The following RLIM variants were observed in gnomAD, a reference collection of about 807,000 sequenced individuals.
RLIM encodes the protein ring finger protein, LIM domain interacting, also known as E3 ubiquitin-protein ligase RLIM.
In RLIM, 2 loss-of-function variants were observed where a neutral mutation model predicts 34.0. That is an observed-to-expected ratio of 0.06 (90% CI 0.02 to 0.19). The LOEUF (loss-of-function observed/expected upper bound fraction) is 0.19. Ranked by LOEUF, RLIM falls within the 10% of genes least tolerant of loss-of-function variation. The pLI is 1.00. For missense variants in RLIM, 286 were observed against 479.7 expected (o/e 0.60, Z 3.77); for synonymous variants, 169 against 164.0 (o/e 1.03, Z -0.23).
intron 2 of RLIM, among the ~76,000 whole-genome samples, chrX:74,594,959 C>T (rs772231550): frequency 2.7e-4 from 29 of 105,855 alleles, no homozygotes; most frequent in Non-Finnish European, 4.5e-4. Flanking sequence ...AGTGGTACCA[C>T]ATCTGTAGTG....
Position 74,591,473 on chromosome X carries a change from G to A in RLIM, c.1842C>T (p.Val614=), listed in dbSNP as rs747530936. ...NSTCPICRRA[V]LASGNRESVV The stretch of plus-strand genomic sequence containing the variant: ...CACTTTCTCTGTTACCAGAAGCTAA[G>A]ACTGCTCTGCGACAAATAGGACAGG... Residue 614 remains valine, a synonymous_variant, in exon 4 of 4, where the codon GTC becomes GTT. Coordinates refer to ENST00000332687, the MANE Select transcript of RLIM (RefSeq NM_016120.4). The A allele has an allele frequency of 2.5e-6, 3 of 1,210,625 alleles. No individual in the cohort carries two copies. The highest frequency in any genetic ancestry group is 3.4e-6 in the Non-Finnish European group (3 of 894,258).
chrX:74,604,843 T>G (rs1336831430), intron 1 of RLIM, among the ~76,000 whole-genome samples: 1 of 111,403 alleles, frequency 9.0e-6, no homozygotes, highest in African/African-American at 3.3e-5. Flanking sequence ...AAGCAACATG[T>G]GAACAAATCC....
chrX:74,598,919 T>C (rs1266390645), intron 1 of RLIM, among the ~76,000 whole-genome samples: 1 of 111,914 alleles, frequency 8.9e-6, no homozygotes, highest in African/African-American at 3.2e-5. Flanking sequence ...AAGTCAGCAA[T>C]AAATGGACAT....
rs895410556 is a variant in RLIM at position 74,586,401 on chromosome X, T to G, written c.*5039A>C. The G allele has an allele frequency of 7.1e-5, 8 of 112,274 alleles. No individual in the cohort carries two copies. The highest frequency in any genetic ancestry group is 1.5e-4 in the Non-Finnish European group (8 of 53,334). The allele number at this position is 112,274 out of a possible 1,213,427, so 9.3% of individuals were successfully genotyped here. A position where few individuals can be genotyped will look rare whatever the true frequency, so the allele number is the denominator to read the frequency against. On this transcript the variant is annotated 3_prime_UTR_variant, in exon 4 of 4. Coordinates refer to ENST00000332687, the MANE Select transcript of RLIM (RefSeq NM_016120.4). Reference sequence around the variant, plus strand: ...TCACTTTCACTGCATGTCTTTAAGATATCTACTACTCAGCCCAACTGACCA... The same window carrying G: ...TCACTTTCACTGCATGTCTTTAAGAGATCTACTACTCAGCCCAACTGACCA...
At chrX:74,607,184 A>C (rs1189651068) in intron 1 of RLIM, among the ~76,000 whole-genome samples, 1 of 70,500 alleles carries the variant, frequency 1.4e-5, no homozygotes, top group East Asian at 4.8e-4. Flanking sequence ...TTTTTAAAAA[A>C]AGTGGGGTGG....
In RLIM at chrX:74,586,184, C is replaced by T. The variant is rs1044156206; in HGVS notation, c.*5256G>A. ...AAAGCAGCACCAGGGACAAATGGAG[C>T]TATCAAGAGGTAAAATCCAAACACT... On this transcript the variant is annotated 3_prime_UTR_variant, in exon 4 of 4. Transcript: ENST00000332687. The T allele has an allele frequency of 4.5e-5, 5 of 112,055 alleles. No homozygotes were observed. Among genetic ancestry groups the T allele is most frequent in the Non-Finnish European group, 9.4e-5 (5 of 53,274 alleles). The allele number at this position is 112,055 out of a possible 1,213,427, so 9.2% of individuals were successfully genotyped here.
intron 1 of RLIM, among the ~76,000 whole-genome samples, chrX:74,609,487 CAAAAAAAAAAA>C (rs752008137): frequency 0.18 from 5,905 of 32,699 alleles, 219 homozygotes; most frequent in Admixed American, 0.26. Context: ...GACTCCGTTT[CAAAAAAAAAAA>C]AAAAAAAAAA....
rs746876987 is a variant in RLIM, at chrX:74,585,314, T to C, written c.*6126A>G. ...CACAGATAAAACGGAAGTTATAACA[T>C]ATAAACCAGTACCTGCCCACACTCA... is the stretch of plus-strand genomic sequence containing the variant. On this transcript the variant is annotated 3_prime_UTR_variant, in exon 4 of 4. Coordinates refer to ENST00000332687, the MANE Select transcript of RLIM (RefSeq NM_016120.4). 8.9e-6 allele frequency: 1 copy of C among 112,099 alleles called. No individual in the cohort carries two copies. The highest frequency in any genetic ancestry group is 1.9e-5 in the Non-Finnish European group (1 of 53,269). 9.2% of individuals were successfully genotyped at this position (112,099 alleles called of 1,213,427 possible). A position where few individuals can be genotyped will look rare whatever the true frequency, so the allele number is the denominator to read the frequency against.
In RLIM at chrX:74,589,306, C is replaced by T. The variant is rs1047055702; in HGVS notation, c.*2134G>A. 17 of 111,384 alleles carry T rather than the reference C, an allele frequency of 1.5e-4. No homozygotes were observed. The highest frequency in any genetic ancestry group is 5.5e-4 in the African/African-American group (17 of 30,641). The allele number at this position is 111,384 out of a possible 1,213,427, so 9.2% of individuals were successfully genotyped here. On this transcript the variant is annotated 3_prime_UTR_variant, in exon 4 of 4. Coordinates refer to ENST00000332687, the MANE Select transcript of RLIM (RefSeq NM_016120.4). ...ATTTGTTTTTAGCCAATCAAGACTACCCTGCAGATCTGAAAACTGTAGATT... is the reference window on the plus strand; with the variant it reads ...ATTTGTTTTTAGCCAATCAAGACTATCCTGCAGATCTGAAAACTGTAGATT...
At chrX:74,608,644 T>C (rs765313673) in intron 1 of RLIM, among the ~76,000 whole-genome samples, 1 of 112,232 alleles carries the variant, frequency 8.9e-6, no homozygotes, top group African/African-American at 3.2e-5. Flanking sequence ...TACATTCTTC[T>C]ATCTTTACCA....
intron 1 of RLIM, among the ~76,000 whole-genome samples, chrX:74,598,871 T>G (rs1051820233): frequency 2.7e-5 from 3 of 111,514 alleles, no homozygotes; most frequent in Non-Finnish European, 5.6e-5. Flanking sequence ...TAGCAATACC[T>G]ATATGTATGA....
At chrX:74,609,773 T>C (rs1014345059) in intron 1 of RLIM, among the ~76,000 whole-genome samples, 1 of 111,372 alleles carries the variant, frequency 9.0e-6, no homozygotes, top group African/African-American at 3.3e-5. Flanking sequence ...ATAATTCATA[T>C]GGTCTCCTTA....
intron 1 of RLIM, among the ~76,000 whole-genome samples, chrX:74,601,218 A>G (rs1440144801): frequency 2.7e-5 from 3 of 112,050 alleles, no homozygotes; most frequent in Non-Finnish European, 5.6e-5. Context: ...TATTTTATTC[A>G]ACAATGAGAA....
chrX:74,589,494 C>T lies in RLIM; in HGVS notation c.*1946G>A, dbSNP rs761640744. 22 of 112,040 alleles carry T rather than the reference C, an allele frequency of 2.0e-4. No individual in the cohort carries two copies. Among genetic ancestry groups the T allele is most frequent in the African/African-American group, 6.8e-4 (21 of 30,937 alleles). 9.2% of individuals were successfully genotyped at this position (112,040 alleles called of 1,213,427 possible). The stretch of plus-strand genomic sequence containing the variant: ...GTGAAGCTTTGTTTGGACATTATTT[C>T]CTTGCAAGAGCAGTACATATCCTTA... On this transcript the variant is annotated 3_prime_UTR_variant, in exon 4 of 4. Transcript: ENST00000332687.
chrX:74,610,424 A>C (rs767896064), intron 1 of RLIM, among the ~76,000 whole-genome samples: 31 of 104,484 alleles, frequency 3.0e-4, no homozygotes, highest in Admixed American at 2.9e-3. Flanking sequence ...CTGCCCTCCT[A>C]ACCAAAAAAC....
chrX:74,584,857 C>T lies in RLIM; in HGVS notation c.*6583G>A, dbSNP rs140885929. Among the ~76,000 whole-genome samples, 17 of 112,054 alleles carry T rather than the reference C, an allele frequency of 1.5e-4. No individual in the cohort carries two copies. Among genetic ancestry groups the T allele is most frequent in the African/African-American group, 5.2e-4 (16 of 30,871 alleles). ...TTTCAAATAATAAAATCATGAATGA[C>T]ACTAAACTTAAAACCTTGGGAAGGT... On this transcript the variant is annotated 3_prime_UTR_variant, in exon 4 of 4. Coordinates refer to ENST00000332687, the MANE Select transcript of RLIM (RefSeq NM_016120.4).
intron 1 of RLIM, among the ~76,000 whole-genome samples, chrX:74,607,476 G>A (rs374911984): frequency 8.8e-6 from 1 of 113,037 alleles, no homozygotes; most frequent in African/African-American, 3.2e-5. Context: ...TCGGGAGGCC[G>A]ACGCGGGCGG....
intron 1 of RLIM, among the ~76,000 whole-genome samples, chrX:74,600,036 C>T (rs1602165855): frequency 1.8e-5 from 2 of 110,959 alleles, no homozygotes; most frequent in Admixed American, 9.7e-5. Flanking sequence ...TAGATCTCCA[C>T]TGTTTTCCTT....
intron 1 of RLIM, among the ~76,000 whole-genome samples, chrX:74,603,486 T>G (rs1279962637): frequency 1.8e-5 from 2 of 111,991 alleles, no homozygotes; most frequent in Non-Finnish European, 3.8e-5. Flanking sequence ...CCTTCCATAA[T>G]GTTTTATATT....
Sources: allele counts gnomAD v4.1 joint callset (sites outside exome capture counted in the v4.1 genomes callset), GRCh38; gene constraint gnomAD v4.1.1; transcripts MANE v1.5; gene names NCBI Gene and HGNC (gene_info 2026-07-23, HGNC 2026-07-21).